Variants in DCST2 observed in about 807,000 individuals in gnomAD.
DCST2 encodes DC-STAMP domain containing 2, also known as DC-STAMP domain-containing protein 2.
In DCST2, 64 loss-of-function variants were observed where a neutral mutation model predicts 81.8. The observed-to-expected ratio is 0.78, with a 90% CI of 0.64 to 0.96. The LOEUF is 0.96. DCST2 is among the 40% of genes least tolerant of loss of function. The pLI is 0.00. For synonymous variants in DCST2, 354 were observed against 402.6 expected (o/e 0.88, Z 1.44); for missense variants, 945 against 1,001.4 (o/e 0.94, Z 0.76).
chr1:155,032,046 T>G (rs1182826187), intron 3 of DCST2, among the ~76,000 whole-genome samples: 2 of 152,190 alleles, frequency 1.3e-5, no homozygotes, highest in African/African-American at 2.4e-5. Context: ...CAGGCTAGAG[T>G]GCAGTGGAGT....
At chr1:155,024,089 TCAG>T in intron 11 of DCST2, 130 bp from the exon 12 acceptor site, 1 of 1,331,980 alleles carries the variant, frequency 7.5e-7, no homozygotes, top group African/African-American at 1.5e-5. Context: ...CCCTCTGATT[TCAG>T]CAGCAACCTC....
In DCST2 at chr1:155,033,677, C is replaced by T; in HGVS notation, c.25G>A (p.Val9Met). Residue 9 changes from valine to methionine, a missense_variant, in exon 1 of 15, where the codon GTG becomes ATG. Val to Met is a conservative substitution (Grantham distance 21, BLOSUM62 1). Coordinates refer to ENST00000368424, the MANE Select transcript of DCST2 (RefSeq NM_144622.3). Reference protein sequence around the residue: MPKVMKDVVHPLGGEEPSM... With the variant: MPKVMKDVMHPLGGEEPSM... Reference sequence around the variant, plus strand: ...GGCTCCTCTCCCCCCAAGGGGTGCACAACATCCTTCATGACTTTGGGCATG... The same window carrying T: ...GGCTCCTCTCCCCCCAAGGGGTGCATAACATCCTTCATGACTTTGGGCATG... The T allele has an allele frequency of 6.2e-7, 1 of 1,614,014 alleles. No individual in the cohort carries two copies.
chr1:155,023,682 C>G (rs1013685237), intron 12 of DCST2, 150 bp downstream of exon 12: 1 of 1,560,676 alleles, frequency 6.4e-7, no homozygotes, highest in East Asian at 2.3e-5. Context: ...CCTGAAGGCT[C>G]TGTGTAAATG....
intron 2 of DCST2, 43 bp downstream of exon 2, chr1:155,033,051 G>A (rs369403436): frequency 2.3e-5 from 34 of 1,495,954 alleles, no homozygotes; most frequent in African/African-American, 4.2e-5. Context: ...TGAGGGGGGC[G>A]AGGGGGGCCC....
In DCST2 at chr1:155,018,631, A is replaced by T. The variant is rs762699906; in HGVS notation, c.2235T>A (p.Thr745=). The T allele has an allele frequency of 2.5e-6, 4 of 1,612,856 alleles. No homozygotes were observed. In the East Asian group the frequency reaches 8.9e-5, roughly 36 times the overall value. The stretch of plus-strand genomic sequence containing the variant: ...CTGAAGCTGGAGTGGGGGCTCCTTT[A>T]GTGGCGGAGGATGTCTCAGGTGGTC... ...PHRPPETSSA[T]KGAPTPASEP... is the part of the protein sequence containing the mutation. Residue 745 remains threonine (T), a synonymous_variant, in exon 15 of 15, where the codon ACT becomes ACA. Coordinates refer to ENST00000368424, the MANE Select transcript of DCST2 (RefSeq NM_144622.3).
chr1:155,030,336 C>T, intron 6 of DCST2, 95 bp from the exon 7 acceptor site: 1 of 1,597,060 alleles, frequency 6.3e-7, no homozygotes, highest in Non-Finnish European at 8.5e-7. Flanking sequence ...CTTCAACCTC[C>T]CTGGATGCTG....
At chr1:155,023,095 C>T (rs764719772) in intron 14 of DCST2, 22 bp downstream of exon 14, 11 of 1,605,824 alleles carry the variant, frequency 6.9e-6, no homozygotes, top group Non-Finnish European at 9.3e-6. Context: ...TTCCCAGGTG[C>T]CAACTCCTGC....
chr1:155,020,693 C>A (rs998664227), intron 14 of DCST2, among the ~76,000 whole-genome samples: 1 of 152,118 alleles, frequency 6.6e-6, no homozygotes, highest in Non-Finnish European at 1.5e-5. Flanking sequence ...ACCTGACACC[C>A]CTCAACCCAT....
chr1:155,026,465 GC>G, intron 9 of DCST2, 63 bp from the exon 10 acceptor site: 1 of 1,611,842 alleles, frequency 6.2e-7, no homozygotes, highest in African/African-American at 1.3e-5. Context: ...CACCCCTGGC[GC>G]CCCCCACATC....
Position 155,023,408 on chromosome 1 carries a change from C to T in DCST2, c.1920G>A (p.Val640=). ...CCTGGTAGGAGAGGGGAGATGCACA[C>T]ACGGAGCAGGTATTGTCCAGGAGGC... is the stretch of plus-strand genomic sequence containing the variant. ...CFRLLDNTCS[V]CASPLSYQGD... The change falls in exon 13 of 15, where the codon GTG becomes GTA. Residue 640 remains valine (V), a synonymous_variant. Transcript: ENST00000368424. 2 of 1,607,434 alleles carry T rather than the reference C, an allele frequency of 1.2e-6. No individual in the cohort carries two copies. Among genetic ancestry groups the T allele is most frequent in the Non-Finnish European group, 1.7e-6 (2 of 1,176,740 alleles).
At chr1:155,019,550 TCAGC>T (rs1258296318) in intron 14 of DCST2, among the ~76,000 whole-genome samples, 2 of 152,214 alleles carry the variant, frequency 1.3e-5, no homozygotes, top group African/African-American at 4.8e-5. Flanking sequence ...TCCCTCCTGT[TCAGC>T]CAGCTCTCCC....
chr1:155,021,550 C>A (rs1255923209), intron 14 of DCST2, among the ~76,000 whole-genome samples: 2 of 122,298 alleles, frequency 1.6e-5, no homozygotes, highest in Non-Finnish European at 3.3e-5. Flanking sequence ...CATCCTCTCT[C>A]TTACAGTCTC....
In DCST2 at chr1:155,033,473, G is replaced by A. The variant is rs200007303; in HGVS notation, c.229C>T (p.Arg77Ter). 2.0e-5 allele frequency: 33 copies of A among 1,613,318 alleles called. No individual in the cohort carries two copies. In the East Asian group the frequency reaches 4.7e-4, roughly 23 times the overall value. ...SLGMGFSRQVRATVLLLLPQA... is the reference protein window; with the variant it reads ...SLGMGFSRQV ...GGCAGCAGCAGGAGGACAGTGGCTC[G>A]GACCTGGCGAGAGAATCCCATGCCC... is the stretch of plus-strand genomic sequence containing the variant. The change falls in exon 1 of 15, where the codon CGA (arginine) becomes TGA (stop). Residue 77 changes from arginine to a stop codon, truncating the protein, a stop_gained. Coordinates refer to ENST00000368424, the MANE Select transcript of DCST2 (RefSeq NM_144622.3). LOFTEE classifies it high-confidence loss of function.
chr1:155,032,836 T>G, intron 2 of DCST2, 68 bp from the exon 3 acceptor site: 1 of 1,442,586 alleles, frequency 6.9e-7, no homozygotes, highest in Non-Finnish European at 9.7e-7. Flanking sequence ...CCATTGCCCC[T>G]TAAGCAGGGA....
chr1:155,029,316 A>G lies in DCST2; in HGVS notation c.1259T>C (p.Leu420Pro). ...AGCATAGTCTAGGAAGACTAGGAACAGCACGAGGAGGAGGTGTCGGATAAG... is the reference window on the plus strand; with the variant it reads ...AGCATAGTCTAGGAAGACTAGGAACGGCACGAGGAGGAGGTGTCGGATAAG... The part of the protein sequence containing the change: ...FNLIRHLLLV[L>P]FLVFLDYAVF... The change falls in exon 8 of 15, where the codon CTG becomes CCG. Residue 420 changes from leucine (L) to proline (P), a missense_variant. Physicochemically the swap from Leu to Pro is moderately conservative, Grantham distance 98 (BLOSUM62 -3). Transcript: ENST00000368424. 6.2e-7 allele frequency: 1 copy of G among 1,614,156 alleles called. No individual in the cohort carries two copies. The highest frequency in any genetic ancestry group is 8.5e-7 in the Non-Finnish European group (1 of 1,180,008).
intron 14 of DCST2, among the ~76,000 whole-genome samples, chr1:155,021,864 C>CTT (rs750751363): frequency 3.5e-5 from 5 of 143,110 alleles, no homozygotes; most frequent in Non-Finnish European, 4.6e-5. Context: ...TGCTTATGGT[C>CTT]TTTTTTTTTT....
At chr1:155,023,043 A>G (rs1659794570) in intron 14 of DCST2, 74 bp downstream of exon 14, 1 of 1,547,456 alleles carries the variant, frequency 6.5e-7, no homozygotes, top group South Asian at 1.2e-5. Flanking sequence ...GACACCCAGG[A>G]AGGCCTTTGC....
Position 155,026,310 on chromosome 1 carries a change from G to A in DCST2, c.1603C>T (p.Arg535Trp), listed in dbSNP as rs756035896. The change falls in exon 10 of 15, where the codon CGG becomes TGG. Residue 535 changes from arginine to tryptophan, a missense_variant. By Grantham distance (101) the Arg-to-Trp change is moderately radical. Coordinates refer to ENST00000368424, the MANE Select transcript of DCST2 (RefSeq NM_144622.3). ...RVICASYYPS[R>W]EQERISYLYN... ...AGCCCCGGACCCCTCACCTGCTCCC[G>A]GGATGGGTAGTAGGAGGCACAGATG... 66 of 1,613,566 alleles carry A rather than the reference G, an allele frequency of 4.1e-5. No individual in the cohort carries two copies. The highest frequency in any genetic ancestry group is 5.0e-5 in the Admixed American group (3 of 59,994).
At chr1:155,019,994 C>G (rs1414028612) in intron 14 of DCST2, among the ~76,000 whole-genome samples, 1 of 152,180 alleles carries the variant, frequency 6.6e-6, no homozygotes, top group Admixed American at 6.5e-5. Context: ...TCCTACTCCC[C>G]AAAGAGAAGC....
Sources: gnomAD v4.1 joint callset for allele counts (sites outside exome capture counted in the v4.1 genomes callset) on GRCh38, gnomAD v4.1.1 for gene constraint, MANE v1.5 for transcripts, NCBI Gene and HGNC (gene_info 2026-07-23, HGNC 2026-07-21) for gene names.